The following ACP3 variants were observed in gnomAD, a reference collection of about 807,000 sequenced individuals.
ACP3 encodes prostatic acid phosphatase.
ACP3 carries 38 observed loss-of-function variants against 45.6 expected under a neutral mutation model. That is an observed-to-expected ratio of 0.83 (90% confidence interval 0.64 to 1.09). ACP3 has a LOEUF of 1.09. Among genes scored for constraint, ACP3 ranks in the 50% least tolerant of loss-of-function variants. ACP3 has a pLI of 0.00. For synonymous variants in ACP3, 162 were observed against 164.7 expected (o/e 0.98, Z 0.13); for missense variants, 466 against 463.2 (o/e 1.01, Z -0.05).
At chr3:132,323,240 G>T (rs1296384396) in intron 1 of ACP3, among the ~76,000 whole-genome samples, 1 of 151,688 alleles carries the variant, frequency 6.6e-6, no homozygotes, top group Non-Finnish European at 1.5e-5. Flanking sequence ...CTCATGAAAT[G>T]AGAAGATTGG....
chr3:132,345,646 A>T (rs1937600798), intron 7 of ACP3, among the ~76,000 whole-genome samples: 1 of 152,154 alleles, frequency 6.6e-6, no homozygotes, highest in Non-Finnish European at 1.5e-5. Flanking sequence ...ACAGCTTGAA[A>T]TTTTTCATTG....
In ACP3 at chr3:132,356,855, G is replaced by C; in HGVS notation, c.1138G>C (p.Gly380Arg). Residue 380 changes from glycine to arginine, a missense_variant, in exon 10 of 10, where the codon GGT becomes CGT. By Grantham distance (125) the Gly-to-Arg change is moderately radical. Coordinates refer to ENST00000336375, the MANE Select transcript of ACP3 (RefSeq NM_001099.5). ...GTGTATGACCACAAACAGCCATCAA[G>C]GTACTGAAGACAGTACAGATTAGTG... ...TECMTTNSHQ[G>R]TEDSTD The C allele has an allele frequency of 6.2e-7, 1 of 1,614,098 alleles. No individual in the cohort carries two copies. Among genetic ancestry groups the C allele is most frequent in the Non-Finnish European group, 8.5e-7 (1 of 1,180,002 alleles).
chr3:132,350,174 T>C (rs1176199034), intron 8 of ACP3, among the ~76,000 whole-genome samples, 172 bp downstream of exon 8: 1 of 116,202 alleles, frequency 8.6e-6, no homozygotes, highest in African/African-American at 2.8e-5. Flanking sequence ...GGATTTATAA[T>C]CTAAACTAAC....
At chr3:132,335,063 A>G (rs1249978129) in intron 4 of ACP3, among the ~76,000 whole-genome samples, 1 of 152,232 alleles carries the variant, frequency 6.6e-6, no homozygotes, top group Non-Finnish European at 1.5e-5. Flanking sequence ...TTGTGGATGA[A>G]AAAACTAACA....
At chr3:132,324,584 G>A (rs1937262939) in intron 1 of ACP3, among the ~76,000 whole-genome samples, 1 of 152,066 alleles carries the variant, frequency 6.6e-6, no homozygotes, top group African/African-American at 2.4e-5. Context: ...GAGGTAGCAG[G>A]GGAAAATTCT....
In ACP3 at chr3:132,328,368, T is replaced by C. The variant is rs1576410366; in HGVS notation, c.216+6T>C. On this transcript the variant is annotated splice_donor_region_variant and intron_variant, in intron 2 of 9. Coordinates refer to ENST00000336375, the MANE Select transcript of ACP3 (RefSeq NM_001099.5). ...GATTTGGCCAACTCACCCAGGTTGG[T>C]TGGACTTTTAGCTAAAGATTGTTGA... 5 of 1,611,780 alleles carry C rather than the reference T, an allele frequency of 3.1e-6. No individual in the cohort carries two copies. The highest frequency in any genetic ancestry group is 2.2e-5 in the East Asian group (1 of 44,774).
intron 7 of ACP3, among the ~76,000 whole-genome samples, chr3:132,346,165 G>A (rs770169719): frequency 2.0e-4 from 31 of 152,184 alleles, no homozygotes; most frequent in Non-Finnish European, 3.5e-4. Flanking sequence ...CAGACTGGGA[G>A]GTTGTTCACT....
rs568226681 is a variant in ACP3 at position 132,365,993 on chromosome 3, A to G, written c.1139-1711A>G. Among the ~76,000 whole-genome samples, 244 of 147,512 alleles carry G rather than the reference A, an allele frequency of 1.7e-3. 1 individual carries two copies. Among genetic ancestry groups the G allele is most frequent in the Middle Eastern group, 6.9e-3 (2 of 288 alleles). ...CAACACAGCAAGACTCCATCTCCCA[A>G]AAAAAAAAAAGGATTGTGGCCTTGT... is the stretch of plus-strand genomic sequence containing the variant. On this transcript the variant is annotated intron_variant, in intron 10 of 10. Transcript: ENST00000351273.
At chr3:132,343,915 T>C (rs1937578541) in intron 6 of ACP3, among the ~76,000 whole-genome samples, 1 of 152,046 alleles carries the variant, frequency 6.6e-6, no homozygotes, top group Non-Finnish European at 1.5e-5. Context: ...GGGAGGATCA[T>C]TTGAGGCTAG....
At chr3:132,351,871 G>T (rs1485282988) in intron 8 of ACP3, among the ~76,000 whole-genome samples, 1 of 152,118 alleles carries the variant, frequency 6.6e-6, no homozygotes, top group African/African-American at 2.4e-5. Flanking sequence ...CAGAAAGGGG[G>T]TTGAAAACCA....
chr3:132,347,973 G>A (rs1344045686), intron 7 of ACP3, among the ~76,000 whole-genome samples: 2 of 152,126 alleles, frequency 1.3e-5, no homozygotes, highest in Non-Finnish European at 2.9e-5. Context: ...ACTACTGCCT[G>A]TATGCCTAAT....
At position 132,317,563 on chromosome 3, in the gene ACP3, A is replaced by G. The variant is rs1279701196; in HGVS notation, c.107A>G (p.Lys36Arg). ...LDRSVLAKEL[K>R]FVTLVFRHGD... ...CGAAGTGTACTAGCCAAGGAGTTGA[A>G]GTTTGTGACTTTGGTAAGTAGACTT... is the stretch of plus-strand genomic sequence containing the variant. Residue 36 changes from lysine (K) to arginine (R), a missense_variant, in exon 1 of 10, where the codon AAG (lysine) becomes AGG (arginine). Physicochemically the swap from Lys to Arg is conservative, Grantham distance 26. Coordinates refer to ENST00000336375, the MANE Select transcript of ACP3 (RefSeq NM_001099.5). 1.2e-6 allele frequency: 2 copies of G among 1,611,460 alleles called. No homozygotes were observed. The highest frequency in any genetic ancestry group is 1.7e-6 in the Non-Finnish European group (2 of 1,178,848).
Position 132,333,153 on chromosome 3 carries a change from C to T in ACP3, c.456+809C>T, listed in dbSNP as rs181843922. Among the ~76,000 whole-genome samples, 171 of 152,230 alleles carry T rather than the reference C, an allele frequency of 1.1e-3. 1 individual carries two copies. In the South Asian group the frequency reaches 0.022, roughly 20 times the overall value. On this transcript the variant is annotated intron_variant, in intron 4 of 9. Transcript: ENST00000336375. ...TCAGTGTTTGAAAAATAATCTCCCT[C>T]GATGATTCCAGTGGGGAGGCAAGTT...
chr3:132,318,053 G>A (rs1937141134), intron 1 of ACP3, among the ~76,000 whole-genome samples: 1 of 152,218 alleles, frequency 6.6e-6, no homozygotes, highest in African/African-American at 2.4e-5. Flanking sequence ...AAGCATAAAA[G>A]TGAATCTAAA....
downstream of ACP3, among the ~76,000 whole-genome samples, chr3:132,363,344 A>G (rs1386051142): frequency 6.6e-6 from 1 of 152,162 alleles, no homozygotes; most frequent in African/African-American, 2.4e-5. Flanking sequence ...AAAATAAATT[A>G]TCTTCTCTAC....
chr3:132,345,067 T>C lies in ACP3; in HGVS notation c.781+8T>C. 6.2e-7 allele frequency: 1 copy of C among 1,611,566 alleles called. No homozygotes were observed. The highest frequency in any genetic ancestry group is 8.5e-7 in the Non-Finnish European group (1 of 1,178,686). On this transcript the variant is annotated splice_region_variant and intron_variant, in intron 7 of 9. Coordinates refer to ENST00000336375, the MANE Select transcript of ACP3 (RefSeq NM_001099.5). ...AATCTAGGCTCCAAGGGGGTAAGTA[T>C]TAAAAAATGAGAGGAGCATATTGGA...
At chr3:132,359,352 A>T (rs889645206), downstream of ACP3, among the ~76,000 whole-genome samples, 2 of 152,220 alleles carry the variant, frequency 1.3e-5, no homozygotes, top group Admixed American at 6.5e-5. Context: ...CTCTACTAAA[A>T]ATACAAAAAG....
In ACP3 at chr3:132,358,739, G is replaced by A. The variant is rs1390773649; in HGVS notation, c.*1861G>A. 1.4e-5 allele frequency: 14 copies of A among 990,818 alleles called. No homozygotes were observed. The highest frequency in any genetic ancestry group is 5.2e-5 in the African/African-American group (3 of 57,508). 61.4% of individuals were successfully genotyped at this position (990,818 alleles called of 1,614,324 possible). On this transcript the variant is annotated 3_prime_UTR_variant, in exon 10 of 10. Coordinates refer to ENST00000336375, the MANE Select transcript of ACP3 (RefSeq NM_001099.5). Reference sequence around the variant, plus strand: ...AGCCAAATGTAAAATAGTGAATAAAGTCATTATTAGGAAGTTCAAAAGCAT... The same window carrying A: ...AGCCAAATGTAAAATAGTGAATAAAATCATTATTAGGAAGTTCAAAAGCAT...
In ACP3 at chr3:132,317,510, C is replaced by A. The variant is rs1451886026; in HGVS notation, c.54C>A (p.Phe18Leu). 6.2e-7 allele frequency: 1 copy of A among 1,613,734 alleles called. No homozygotes were observed. The highest frequency in any genetic ancestry group is 1.3e-5 in the African/African-American group (1 of 75,052). Residue 18 changes from phenylalanine (F) to leucine (L), a missense_variant, in exon 1 of 10, where the codon TTC becomes TTA. Phe to Leu is a conservative substitution (Grantham distance 22). Coordinates refer to ENST00000336375, the MANE Select transcript of ACP3 (RefSeq NM_001099.5). ...GGGCAGCAAGCCTTAGCCTTGGCTT[C>A]TTGTTTCTGCTTTTTTTCTGGCTAG... The part of the protein sequence containing the change: ...LARAASLSLG[F>L]LFLLFFWLDR...
Sources: allele counts gnomAD v4.1 joint callset (sites outside exome capture counted in the v4.1 genomes callset), GRCh38; gene constraint gnomAD v4.1.1; transcripts MANE v1.5; gene names NCBI Gene and HGNC (gene_info 2026-07-23, HGNC 2026-07-21).